DPP10: variants seen among roughly 807,000 people sequenced by gnomAD.
The protein encoded by DPP10 is dipeptidyl peptidase like 10.
Under a neutral mutation model 120.9 loss-of-function variants are expected in DPP10, and 33 were observed. The ratio of observed to expected loss-of-function variants is 0.27; its 90% CI spans 0.21 to 0.37. The LOEUF (loss-of-function observed/expected upper bound fraction) is 0.37. DPP10 is among the 10% of genes least tolerant of loss of function. The probability of loss-of-function intolerance (pLI) is 1.00; values close to 1 mark genes in which losing one functional copy is unlikely to be tolerated. For missense variants in DPP10, 816 were observed against 942.8 expected (o/e 0.87, Z 1.76); for synonymous variants, 337 against 326.1 (o/e 1.03, Z -0.36).
intron 1 of DPP10, among the ~76,000 whole-genome samples, chr2:114,980,321 G>C (rs1171990592): frequency 6.6e-6 from 1 of 152,056 alleles, no homozygotes; most frequent in Non-Finnish European, 1.5e-5. Context: ...AGTGGAAAGA[G>C]TATCTTTATA....
intron 1 of DPP10, among the ~76,000 whole-genome samples, chr2:115,295,385 G>C (rs1387405522): frequency 6.6e-6 from 1 of 152,038 alleles, no homozygotes; most frequent in Non-Finnish European, 1.5e-5. Flanking sequence ...AAAATTGCCA[G>C]AATACTACTT....
At chr2:114,537,556 G>A (rs895860078) in intron 1 of DPP10, among the ~76,000 whole-genome samples, 4 of 152,008 alleles carry the variant, frequency 2.6e-5, no homozygotes, top group East Asian at 1.9e-4. Flanking sequence ...ATGCATCCTC[G>A]TGGAGCAGGA....
chr2:114,746,891 T>C (rs1574091877), intron 1 of DPP10, among the ~76,000 whole-genome samples: 1 of 152,068 alleles, frequency 6.6e-6, no homozygotes, highest in South Asian at 2.1e-4. Flanking sequence ...TGGATAAAAA[T>C]CAGAAAAACA....
At chr2:115,285,633 C>T (rs113688289) in intron 1 of DPP10, among the ~76,000 whole-genome samples, 8,671 of 152,024 alleles carry the variant, frequency 0.057, 337 homozygotes, top group Middle Eastern at 0.1. Context: ...AAGCAAAGAA[C>T]GTTGTTAAAT....
chr2:115,672,723 T>TTTCTTTCTCC (rs2090000193), intron 5 of DPP10, among the ~76,000 whole-genome samples: 1 of 149,810 alleles, frequency 6.7e-6, no homozygotes, highest in East Asian at 2.0e-4. Flanking sequence ...TTTCTTTCTC[T>TTTCTTTCTCC]TTCTCTCTTT....
At chr2:115,445,056 G>A (rs2072443006) in intron 3 of DPP10, among the ~76,000 whole-genome samples, 1 of 152,038 alleles carries the variant, frequency 6.6e-6, no homozygotes, top group East Asian at 1.9e-4. Context: ...GAGATCTGAT[G>A]GTTTTATAAG....
At chr2:114,947,845 G>A (rs1305170109) in intron 1 of DPP10, among the ~76,000 whole-genome samples, 2 of 151,840 alleles carry the variant, frequency 1.3e-5, no homozygotes, top group Non-Finnish European at 1.5e-5. Flanking sequence ...CTTTTCCTCA[G>A]GAAGCTTTTT....
chr2:115,187,997 G>A (rs1039769156), intron 1 of DPP10, among the ~76,000 whole-genome samples: 1 of 151,824 alleles, frequency 6.6e-6, no homozygotes, highest in African/African-American at 2.4e-5. Context: ...TGAAGCCTGG[G>A]CAACAGAGTG....
At position 115,086,452 on chromosome 2, in the gene DPP10, C is replaced by CT. The variant is rs70941026; in HGVS notation, c.61-222767dup. On this transcript the variant is annotated intron_variant, in intron 1 of 25. Coordinates refer to ENST00000410059, the MANE Select transcript of DPP10 (RefSeq NM_020868.6). ...CTTTCTGAACCAAATCAATGTATTT[C>CT]TTTTTTTTTTTTTTTTTTTTGTGAC... Among the ~76,000 whole-genome samples, 281 of 106,448 alleles carry CT rather than the reference C, an allele frequency of 2.6e-3. 2 individuals carry two copies. Among genetic ancestry groups the CT allele is most frequent in the African/African-American group, 7.5e-3 (224 of 29,784 alleles). 69.8% of individuals were successfully genotyped at this position (106,448 alleles called of 152,430 possible). A position where few individuals can be genotyped will look rare whatever the true frequency, so the allele number is the denominator to read the frequency against.
At chr2:115,240,176 A>G (rs1021552925) in intron 1 of DPP10, among the ~76,000 whole-genome samples, 6 of 152,204 alleles carry the variant, frequency 3.9e-5, no homozygotes, top group African/African-American at 1.4e-4. Flanking sequence ...AGGAATCACC[A>G]CAGTGTCTTC....
chr2:114,485,452 A>G (rs1439753573), intron 1 of DPP10, among the ~76,000 whole-genome samples: 1 of 148,372 alleles, frequency 6.7e-6, no homozygotes, highest in Admixed American at 6.7e-5. Context: ...TCCTATTTTC[A>G]GGAAAAACTG....
chr2:114,929,096 A>G (rs1695867786), intron 1 of DPP10, among the ~76,000 whole-genome samples: 1 of 152,188 alleles, frequency 6.6e-6, no homozygotes, highest in African/African-American at 2.4e-5. Flanking sequence ...CCCCTGAGCC[A>G]CAAAACCAGC....
At chr2:115,067,994 G>T (rs72949719) in intron 1 of DPP10, among the ~76,000 whole-genome samples, 1 of 151,278 alleles carries the variant, frequency 6.6e-6, no homozygotes, top group East Asian at 1.9e-4. Flanking sequence ...AGTTGATTCC[G>T]TATCTTGGCC....
At chr2:115,017,138 C>A (rs59032407) in intron 1 of DPP10, among the ~76,000 whole-genome samples, 1 of 149,620 alleles carries the variant, frequency 6.7e-6, no homozygotes, top group Non-Finnish European at 1.5e-5. Context: ...AGCACACCAG[C>A]ATGGCACATG....
intron 1 of DPP10, among the ~76,000 whole-genome samples, chr2:114,938,986 T>C (rs2104551500): frequency 6.6e-6 from 1 of 152,244 alleles, no homozygotes; most frequent in Non-Finnish European, 1.5e-5. Context: ...TTTCTAACTT[T>C]CCTGTCACTT....
intron 5 of DPP10, among the ~76,000 whole-genome samples, chr2:115,545,686 G>T (rs2079458407): frequency 6.6e-6 from 1 of 152,104 alleles, no homozygotes; most frequent in African/African-American, 2.4e-5. Context: ...TAGCTGTGAT[G>T]AAATTAAATC....
intron 3 of DPP10, among the ~76,000 whole-genome samples, chr2:115,449,099 C>A (rs1452493747): frequency 6.6e-6 from 1 of 151,982 alleles, no homozygotes; most frequent in African/African-American, 2.4e-5. Context: ...AGCAAAGTAA[C>A]CCATGTATTT....
chr2:115,569,242 A>T (rs1288440783), intron 5 of DPP10, among the ~76,000 whole-genome samples: 1 of 152,210 alleles, frequency 6.6e-6, no homozygotes, highest in East Asian at 1.9e-4. Flanking sequence ...CCAGCAATAT[A>T]TATGCTGCAT....
rs1553450325 is a variant in DPP10, at chr2:114,494,118, A to AC, written c.60+51280_60+51281insC. Among the ~76,000 whole-genome samples, 33 of 150,882 alleles carry AC rather than the reference A, an allele frequency of 2.2e-4. 1 individual carries two copies. The East Asian group carries it at 5.6e-3, about 26-fold the overall frequency. ...CAATAAGGCAAAAAAAAAAAAAAAA[A>AC]AAACCCAGCAAATTGTCAATAAAAA... On this transcript the variant is annotated intron_variant, in intron 1 of 25. Coordinates refer to ENST00000410059, the MANE Select transcript of DPP10 (RefSeq NM_020868.6).
Sources: allele counts gnomAD v4.1 joint callset (sites outside exome capture counted in the v4.1 genomes callset), GRCh38; gene constraint gnomAD v4.1.1; transcripts MANE v1.5; gene names NCBI Gene and HGNC (gene_info 2026-07-23, HGNC 2026-07-21).